POU6F2: variants seen among roughly 807,000 people sequenced by gnomAD.
The protein encoded by POU6F2 is POU domain, class 6, transcription factor 2.
In POU6F2, 31 loss-of-function variants were observed where a neutral mutation model predicts 71.3. That is an observed-to-expected ratio of 0.43 (90% CI 0.33 to 0.59). POU6F2 has a LOEUF of 0.59. Among genes scored for constraint, POU6F2 ranks in the 20% least tolerant of loss-of-function variants. POU6F2 has a pLI of 0.04. For missense variants in POU6F2, 783 were observed against 856.8 expected (o/e 0.91, Z 1.07); for synonymous variants, 347 against 355.7 (o/e 0.98, Z 0.27).
intron 4 of POU6F2, among the ~76,000 whole-genome samples, chr7:39,215,887 T>G (rs1794231900): frequency 6.6e-6 from 1 of 152,200 alleles, no homozygotes; most frequent in Non-Finnish European, 1.5e-5. Flanking sequence ...TCTTTGTTGA[T>G]TTCATATTAC....
chr7:39,311,532 C>G (rs1785165088), intron 4 of POU6F2, among the ~76,000 whole-genome samples: 2 of 152,184 alleles, frequency 1.3e-5, no homozygotes, highest in Non-Finnish European at 2.9e-5. Context: ...TCTCAGTATC[C>G]AAAACAGTGC....
intron 4 of POU6F2, among the ~76,000 whole-genome samples, chr7:39,333,625 C>T (rs1785704178): frequency 6.6e-6 from 1 of 152,122 alleles, no homozygotes; most frequent in Admixed American, 6.5e-5. Context: ...ATAGTCCCAG[C>T]TACTCGGGAG....
intron 4 of POU6F2, among the ~76,000 whole-genome samples, chr7:39,248,154 A>G (rs983310519): frequency 6.6e-6 from 1 of 152,198 alleles, no homozygotes; most frequent in Non-Finnish European, 1.5e-5. Context: ...AGAAGTGGAC[A>G]TATTGACTTG....
intron 2 of POU6F2, among the ~76,000 whole-genome samples, chr7:39,114,068 A>C (rs572322207): frequency 2.8e-4 from 43 of 152,328 alleles, no homozygotes; most frequent in African/African-American, 2.6e-4. Context: ...AAAAACAAAC[A>C]AACCAACCAT....
intron 5 of POU6F2, chr7:39,373,383 T>C (rs1270023661): frequency 2.2e-6 from 1 of 455,342 alleles, no homozygotes; most frequent in East Asian, 6.9e-5. Flanking sequence ...TATGAGCAAC[T>C]CAAATATGAT....
chr7:39,252,215 G>A (rs1186169007), intron 4 of POU6F2, among the ~76,000 whole-genome samples: 2 of 151,998 alleles, frequency 1.3e-5, no homozygotes, highest in Admixed American at 1.3e-4. Context: ...CTCATCACTG[G>A]CGTCTGGCCT....
chr7:39,105,188 A>G (rs955675757), intron 2 of POU6F2, among the ~76,000 whole-genome samples: 3 of 152,224 alleles, frequency 2.0e-5, no homozygotes, highest in Admixed American at 1.3e-4. Context: ...CAAACCTAAC[A>G]TATTAAGCTC....
At chr7:39,250,724 C>T (rs1783899511) in intron 4 of POU6F2, among the ~76,000 whole-genome samples, 2 of 152,134 alleles carry the variant, frequency 1.3e-5, no homozygotes, top group Non-Finnish European at 2.9e-5. Context: ...GTCACATTCA[C>T]CTCGGCCATT....
chr7:39,207,292 C>T (rs1157451549), intron 3 of POU6F2, 100 bp from the exon 4 acceptor site: 7 of 1,108,548 alleles, frequency 6.3e-6, no homozygotes, highest in South Asian at 1.9e-5. Context: ...GGTACTTCTT[C>T]GGGAACTTTC....
intron 7 of POU6F2, among the ~76,000 whole-genome samples, chr7:39,449,361 G>A (rs908686448): frequency 4.6e-5 from 7 of 152,120 alleles, no homozygotes; most frequent in African/African-American, 1.7e-4. Flanking sequence ...GCACATTTCT[G>A]GAGTAGCCCC....
At chr7:39,198,477 C>G (rs913556231) in intron 2 of POU6F2, among the ~76,000 whole-genome samples, 1 of 152,176 alleles carries the variant, frequency 6.6e-6, no homozygotes, top group African/African-American at 2.4e-5. Context: ...CTTCCTTCTG[C>G]TGGAGCCAGA....
chr7:39,316,690 G>A (rs1785275051), intron 4 of POU6F2, among the ~76,000 whole-genome samples: 2 of 152,154 alleles, frequency 1.3e-5, no homozygotes, highest in African/African-American at 2.4e-5. Flanking sequence ...AAGACTTTAG[G>A]TTTCCTAGTT....
At chr7:39,021,767 A>G (rs774735458) in intron 1 of POU6F2, among the ~76,000 whole-genome samples, 24 of 152,060 alleles carry the variant, frequency 1.6e-4, no homozygotes, top group Non-Finnish European at 3.2e-4. Flanking sequence ...TAAAAAAATG[A>G]TGATTTACAT....
intron 7 of POU6F2, among the ~76,000 whole-genome samples, chr7:39,434,639 TA>T (rs1788190380): frequency 1.3e-5 from 2 of 151,098 alleles, no homozygotes; most frequent in Admixed American, 6.6e-5. Flanking sequence ...GGGTTTTTTT[TA>T]AACTTCTTCT....
intron 4 of POU6F2, among the ~76,000 whole-genome samples, chr7:39,265,756 T>A (rs1784227613): frequency 6.6e-6 from 1 of 152,164 alleles, no homozygotes; most frequent in African/African-American, 2.4e-5. Context: ...ACAACCAGTT[T>A]TAAGGGTTTT....
At chr7:39,219,622 C>T (rs1194596676) in intron 4 of POU6F2, among the ~76,000 whole-genome samples, 1 of 152,120 alleles carries the variant, frequency 6.6e-6, no homozygotes, top group African/African-American at 2.4e-5. Context: ...TGTAAGCAAA[C>T]GTAATCTCTG....
chr7:39,017,077 G>T (rs556795288), intron 1 of POU6F2, among the ~76,000 whole-genome samples: 1 of 152,110 alleles, frequency 6.6e-6, no homozygotes, highest in African/African-American at 2.4e-5. Flanking sequence ...TTATCATGTT[G>T]TTTTTTCTCC....
intron 9 of POU6F2, among the ~76,000 whole-genome samples, chr7:39,463,291 T>G (rs1045076404): frequency 4.6e-5 from 7 of 152,262 alleles, no homozygotes; most frequent in African/African-American, 1.2e-4. Context: ...AGCAAAGAAT[T>G]GCTGATGGCA....
chr7:39,343,779 G>A (rs1471828239), intron 5 of POU6F2, among the ~76,000 whole-genome samples: 1 of 152,112 alleles, frequency 6.6e-6, no homozygotes, highest in East Asian at 1.9e-4. Flanking sequence ...CATCCGTGTG[G>A]TCTGAGGTCT....
Sources: gnomAD v4.1 joint callset for allele counts (sites outside exome capture counted in the v4.1 genomes callset) on GRCh38, gnomAD v4.1.1 for gene constraint, MANE v1.5 for transcripts, NCBI Gene and HGNC (gene_info 2026-07-23, HGNC 2026-07-21) for gene names.